The following CDH12 variants were observed in gnomAD, a reference collection of about 807,000 sequenced individuals.
The protein encoded by CDH12 is cadherin 12, also known as cadherin-12.
A neutral mutation model predicts 74.1 loss-of-function variants in CDH12; 41 were observed. That is an observed-to-expected ratio of 0.55 (90% CI 0.43 to 0.72). The LOEUF is 0.72. Ranked by LOEUF, CDH12 falls within the 30% of genes least tolerant of loss-of-function variation. The pLI, the probability that CDH12 is intolerant of heterozygous loss-of-function variation, is 0.00. For synonymous variants in CDH12, 399 were observed against 355.0 expected (o/e 1.12, Z -1.39); for missense variants, 945 against 977.2 (o/e 0.97, Z 0.44).
At chr5:22,024,272 T>C (rs1032404046) in intron 5 of CDH12, among the ~76,000 whole-genome samples, 1 of 152,152 alleles carries the variant, frequency 6.6e-6, no homozygotes, top group Non-Finnish European at 1.5e-5. Flanking sequence ...CCAATAATCC[T>C]TTAGAGCTGC....
At chr5:21,832,686 T>C (rs1208380418) in intron 8 of CDH12, among the ~76,000 whole-genome samples, 1 of 147,052 alleles carries the variant, frequency 6.8e-6, no homozygotes, top group Non-Finnish European at 1.5e-5. Context: ...ACAATTAACT[T>C]ATTAACTTAT....
chr5:22,599,399 T>C (rs1334129877), intron 1 of CDH12, among the ~76,000 whole-genome samples: 1 of 152,202 alleles, frequency 6.6e-6, no homozygotes, highest in Non-Finnish European at 1.5e-5. Context: ...TTACATTCAC[T>C]GGGCTTAAAT....
At chr5:22,336,927 G>A (rs1376493637) in intron 3 of CDH12, among the ~76,000 whole-genome samples, 3 of 152,214 alleles carry the variant, frequency 2.0e-5, no homozygotes, top group African/African-American at 4.8e-5. Flanking sequence ...AAACACTGCA[G>A]ATACTCAATG....
chr5:22,441,002 G>A (rs1363119703), intron 2 of CDH12, among the ~76,000 whole-genome samples: 1 of 152,116 alleles, frequency 6.6e-6, no homozygotes, highest in Admixed American at 6.6e-5. Flanking sequence ...GGCAGGCAGA[G>A]TACAGGTTGG....
At chr5:22,255,267 T>TA (rs935042471) in intron 3 of CDH12, among the ~76,000 whole-genome samples, 24 of 152,030 alleles carry the variant, frequency 1.6e-4, no homozygotes, top group African/African-American at 5.3e-4. Context: ...TTTGTGATTT[T>TA]TTTTTTTGAG....
chr5:22,268,632 A>G (rs1736244068), intron 3 of CDH12, among the ~76,000 whole-genome samples: 1 of 152,132 alleles, frequency 6.6e-6, no homozygotes, highest in African/African-American at 2.4e-5. Flanking sequence ...TCCATAGCTA[A>G]CATAGTTTGA....
At chr5:21,895,017 G>GA (rs36000039) in intron 6 of CDH12, among the ~76,000 whole-genome samples, 94,189 of 145,926 alleles carry the variant, frequency 0.65, 33,140 homozygotes, top group Non-Finnish European at 0.78. Context: ...CAAATAAATT[G>GA]AAAAAAAAAA....
intron 2 of CDH12, among the ~76,000 whole-genome samples, chr5:22,493,457 A>G (rs1746971252): frequency 6.6e-6 from 1 of 152,040 alleles, no homozygotes; most frequent in Admixed American, 6.5e-5. Context: ...AAAAATGAAT[A>G]TAATAAATTT....
chr5:22,097,290 C>T (rs1743842335), intron 4 of CDH12, among the ~76,000 whole-genome samples: 1 of 152,322 alleles, frequency 6.6e-6, no homozygotes, highest in South Asian at 2.1e-4. Context: ...GACTCCTTCC[C>T]AGCTCTTCTC....
rs762612839 is a variant in CDH12, at chr5:21,751,741, G to A, written c.2381C>T (p.Thr794Ile). The A allele has an allele frequency of 5.6e-6, 9 of 1,609,324 alleles. No homozygotes were observed. The South Asian group carries it at 9.9e-5, about 18-fold the overall frequency. ...EEESYNPDKVT is the reference protein window; with the variant it reads ...EEESYNPDKVI ...ATTTTAGCCTCCACGACTCCCTTAA[G>A]TGACTTTATCAGGGTTATAACTCTC... is the stretch of plus-strand genomic sequence containing the variant. The change falls in exon 15 of 15, where the codon ACT becomes ATT. Residue 794 changes from threonine to isoleucine, a missense_variant. Physicochemically the swap from Thr to Ile is moderately conservative, Grantham distance 89. Around this residue, in one of 3 missense-constraint regions of CDH12, gnomAD observed 791 missense variants for 792.8 expected, o/e 1.00. Coordinates refer to ENST00000382254, the MANE Select transcript of CDH12 (RefSeq NM_004061.5).
intron 4 of CDH12, among the ~76,000 whole-genome samples, chr5:22,186,960 A>G (rs989002211): frequency 3.0e-4 from 46 of 152,210 alleles, no homozygotes; most frequent in Non-Finnish European, 5.6e-4. Context: ...GAAAATACTT[A>G]AAGTACAGTT....
intron 2 of CDH12, among the ~76,000 whole-genome samples, chr5:22,493,090 C>T (rs1425388888): frequency 6.6e-6 from 1 of 152,192 alleles, no homozygotes; most frequent in Non-Finnish European, 1.5e-5. Flanking sequence ...CTCGTTTTTA[C>T]TTCCCATTGT....
At chr5:22,262,026 T>C (rs1037091159) in intron 3 of CDH12, among the ~76,000 whole-genome samples, 1 of 152,120 alleles carries the variant, frequency 6.6e-6, no homozygotes, top group Admixed American at 6.6e-5. Context: ...AATGTTTCAG[T>C]CATTTTATGT....
At chr5:22,232,461 C>G (rs1190762554) in intron 3 of CDH12, among the ~76,000 whole-genome samples, 2 of 151,780 alleles carry the variant, frequency 1.3e-5, no homozygotes, top group African/African-American at 2.4e-5. Context: ...GATTGTATTT[C>G]TTACTAATAA....
At chr5:22,781,430 CTTCTTTCTGTCTAT>C (rs1747377503) in intron 1 of CDH12, among the ~76,000 whole-genome samples, 1 of 152,100 alleles carries the variant, frequency 6.6e-6, no homozygotes, top group African/African-American at 2.4e-5. Context: ...CCCTTTTCTT[CTTCTTTCTGTCTAT>C]TTCATTTCTT....
In CDH12 at chr5:22,575,704, A is replaced by G. The variant is rs150697638; in HGVS notation, c.-522-70340T>C. On this transcript the variant is annotated intron_variant, in intron 1 of 14. Coordinates refer to ENST00000382254, the MANE Select transcript of CDH12 (RefSeq NM_004061.5). ...CTCAGCCTCCCAAGTAGCTGGGATT[A>G]CAGGTGTGTGCCACCACTCCTTTCT... is the stretch of plus-strand genomic sequence containing the variant. 2.6e-5 allele frequency among the ~76,000 whole-genome samples: 4 copies of G among 152,040 alleles called. No homozygotes were observed. The East Asian group carries it at 7.8e-4, about 30-fold the overall frequency.
intron 9 of CDH12, among the ~76,000 whole-genome samples, chr5:21,807,384 G>A (rs1012336737): frequency 8.5e-5 from 13 of 152,224 alleles, no homozygotes; most frequent in African/African-American, 2.6e-4. Context: ...TGTCAGATAA[G>A]CTCTTTACTG....
At position 21,751,850 on chromosome 5, in the gene CDH12, TGA is replaced by T. The variant is rs779219205; in HGVS notation, c.2270_2271del (p.Leu757HisfsTer9). ...VAESLSSIDS[L>X]TTEADQDYDY... ...TCATAGTCCTGGTCGGCTTCTGTGG[TGA>T]GAGAGTCTATAGAGCTGAGGGACTC... On this transcript the variant is annotated frameshift_variant, in exon 15 of 15. Transcript: ENST00000382254. LOFTEE classifies it high-confidence loss of function. 2.5e-6 allele frequency: 4 copies of T among 1,614,070 alleles called. No homozygotes were observed. The highest frequency in any genetic ancestry group is 1.1e-5 in the South Asian group (1 of 91,080).
Position 22,698,715 on chromosome 5 carries a change from ATATATATATATATATATATAGTGTGTGT to A in CDH12, c.-523+154315_-523+154342del, listed in dbSNP as rs71576676. Among the ~76,000 whole-genome samples the A allele has an allele frequency of 1.0e-3, 37 of 35,510 alleles. 4 individuals are homozygous for A. The highest frequency in any genetic ancestry group is 2.8e-3 in the South Asian group (2 of 718). 23.3% of individuals were successfully genotyped at this position (35,510 alleles called of 152,430 possible). A position where few individuals can be genotyped will look rare whatever the true frequency, so the allele number is the denominator to read the frequency against. On this transcript the variant is annotated intron_variant, in intron 1 of 14. Coordinates refer to ENST00000382254, the MANE Select transcript of CDH12 (RefSeq NM_004061.5). ...TATATATATATATATATATATATATATATATATATATATATATATAGTGTGTGTGTGTGTGTGTGTGTGTGTGTGTGTG... is the reference window on the plus strand; with the variant it reads ...TATATATATATATATATATATATATAGTGTGTGTGTGTGTGTGTGTGTGTG...
Sources: allele counts gnomAD v4.1 joint callset (sites outside exome capture counted in the v4.1 genomes callset), GRCh38; gene constraint gnomAD v4.1.1; regional missense constraint gnomAD v4.1.1; transcripts MANE v1.5; gene names NCBI Gene and HGNC (gene_info 2026-07-23, HGNC 2026-07-21).